Variants in SPATA6 observed in about 807,000 individuals in gnomAD.
SPATA6 encodes spermatogenesis associated 6, also known as spermatogenesis-associated protein 6.
A neutral mutation model predicts 65.3 loss-of-function variants in SPATA6; 56 were observed. That is an observed-to-expected ratio of 0.86 (90% CI 0.69 to 1.07). The LOEUF is 1.07. Ranked by LOEUF, SPATA6 falls within the 50% of genes least tolerant of loss-of-function variation. The probability of loss-of-function intolerance (pLI) is 0.00; values close to 1 mark genes in which losing one functional copy is unlikely to be tolerated. For synonymous variants in SPATA6, 199 were observed against 213.2 expected, an observed-to-expected ratio of 0.93 and a Z score of 0.58; for missense variants, 590 against 594.8, an observed-to-expected ratio of 0.99 and a Z score of 0.08.
chr1:48,270,383 A>T, the SPATA6 span, among the ~76,000 whole-genome samples: 91 of 152,258 alleles, frequency 6.0e-4, no homozygotes, highest in East Asian at 0.012. Context: ...TTCTTTCTGA[A>T]GAGATACCAG....
chr1:48,435,857 A>G (rs1259519980), intron 3 of SPATA6: 6 of 1,152,026 alleles, frequency 5.2e-6, no homozygotes, highest in African/African-American at 1.5e-5. Flanking sequence ...GTCGCTGGCC[A>G]TGGTCGCTGC....
At chr1:48,404,317 C>T (rs1159827324) in intron 5 of SPATA6, among the ~76,000 whole-genome samples, 2 of 152,082 alleles carry the variant, frequency 1.3e-5, no homozygotes, top group Non-Finnish European at 2.9e-5. Flanking sequence ...ATATATCAAA[C>T]ATCATGTTGT....
At chr1:48,468,181 G>A (rs1050863354) in intron 1 of SPATA6, among the ~76,000 whole-genome samples, 2 of 152,146 alleles carry the variant, frequency 1.3e-5, no homozygotes, top group African/African-American at 4.8e-5. Context: ...CGAATGAATG[G>A]ATAAAGAAAA....
intron 7 of SPATA6, chr1:48,399,086 A>G (rs1650885639): frequency 2.8e-6 from 1 of 358,070 alleles, no homozygotes. Context: ...TTATTATGCT[A>G]TCTATTGTAT....
chr1:48,272,406 T>C, the SPATA6 span, among the ~76,000 whole-genome samples: 2 of 152,186 alleles, frequency 1.3e-5, no homozygotes, highest in African/African-American at 4.8e-5. Flanking sequence ...AGTTTGACTA[T>C]TTGAGATTCT....
At chr1:48,269,284 C>T in the SPATA6 span, among the ~76,000 whole-genome samples, 1 of 152,122 alleles carries the variant, frequency 6.6e-6, no homozygotes, top group East Asian at 1.9e-4. Flanking sequence ...TAATGAACAC[C>T]ATGCATTGTA....
intron 3 of SPATA6, among the ~76,000 whole-genome samples, chr1:48,423,167 G>A (rs1055238908): frequency 3.3e-5 from 5 of 152,082 alleles, no homozygotes; most frequent in African/African-American, 1.2e-4. Flanking sequence ...TAAAAAGTCA[G>A]AAAAGTAGGC....
At chr1:48,400,990 C>G (rs1439686580) in intron 6 of SPATA6, 1 of 261,330 alleles carries the variant, frequency 3.8e-6, no homozygotes, top group Non-Finnish European at 6.8e-6. Context: ...ATGAATCTTT[C>G]TAAGACCTTG....
At chr1:48,390,278 G>A (rs1649914158) in intron 8 of SPATA6, among the ~76,000 whole-genome samples, 1 of 152,156 alleles carries the variant, frequency 6.6e-6, no homozygotes, top group African/African-American at 2.4e-5. Context: ...CAACATGAAT[G>A]GAACTGGGGG....
At chr1:48,311,501 C>T (rs12751702) in intron 11 of SPATA6, among the ~76,000 whole-genome samples, 26,779 of 151,790 alleles carry the variant, frequency 0.18, 2,589 homozygotes, top group Admixed American at 0.26. Flanking sequence ...TTAAACAGAT[C>T]CAAGAAGAAA....
At chr1:48,425,180 T>C (rs1158533705) in intron 3 of SPATA6, among the ~76,000 whole-genome samples, 1 of 152,200 alleles carries the variant, frequency 6.6e-6, no homozygotes, top group Non-Finnish European at 1.5e-5. Flanking sequence ...TGGTGAGAGA[T>C]AGGGAACTAG....
the SPATA6 span, among the ~76,000 whole-genome samples, chr1:48,265,659 A>C: frequency 1.3e-5 from 2 of 152,202 alleles, no homozygotes; most frequent in Admixed American, 1.3e-4. Flanking sequence ...TGCTAGATCC[A>C]TGGTTCTCAA....
intron 11 of SPATA6, among the ~76,000 whole-genome samples, chr1:48,317,143 A>C (rs190378099): frequency 1.3e-3 from 203 of 152,358 alleles, no homozygotes; most frequent in African/African-American, 4.8e-3. Context: ...ATCTAGAACT[A>C]GAAATACCAT....
At chr1:48,363,475 AAACAC>A (rs1646881719) in intron 9 of SPATA6, among the ~76,000 whole-genome samples, 1 of 152,164 alleles carries the variant, frequency 6.6e-6, no homozygotes, top group African/African-American at 2.4e-5. Flanking sequence ...TATGAACTGA[AAACAC>A]AATATTACAG....
the SPATA6 span, among the ~76,000 whole-genome samples, chr1:48,267,475 T>C: frequency 1.3e-5 from 2 of 152,096 alleles, no homozygotes; most frequent in African/African-American, 4.8e-5. Context: ...TACTGAAGGA[T>C]GGAGGTAGAT....
intron 9 of SPATA6, among the ~76,000 whole-genome samples, chr1:48,362,120 A>G (rs1877718): frequency 0.098 from 14,938 of 152,190 alleles, 884 homozygotes; most frequent in South Asian, 0.17. Flanking sequence ...CAGAATAGGT[A>G]GCTCACATCT....
chr1:48,373,578 G>A (rs773548733), intron 9 of SPATA6, among the ~76,000 whole-genome samples: 4 of 152,172 alleles, frequency 2.6e-5, no homozygotes, highest in South Asian at 2.1e-4. Context: ...TTTCAGCAAC[G>A]CCCCACTCTA....
Position 48,298,626 on chromosome 1 carries a change from TAAAAAAAGGA to T in SPATA6, c.*77_*86del. On this transcript the variant is annotated 3_prime_UTR_variant, in exon 13 of 13. Transcript: ENST00000371847. The stretch of plus-strand genomic sequence containing the variant: ...TACTTAGTTATAATCCCATTTTTTT[TAAAAAAAGGA>T]ATACAGATATTGATCACATCAAACA... The T allele has an allele frequency of 7.6e-7, 1 of 1,316,292 alleles. No individual in the cohort carries two copies. Among genetic ancestry groups the T allele is most frequent in the Admixed American group, 2.4e-5 (1 of 41,866 alleles). 81.5% of individuals were successfully genotyped at this position (1,316,292 alleles called of 1,614,324 possible).
rs1188370219 is a variant in SPATA6, at chr1:48,444,526, CACCAATCAGCACTCTGTAAAACGG to C, written c.238+7002_238+7025del. Among the ~76,000 whole-genome samples the C allele has an allele frequency of 3.3e-3, 498 of 152,084 alleles. 4 individuals are homozygous for C. The highest frequency in any genetic ancestry group is 5.3e-3 in the Non-Finnish European group (357 of 67,978). On this transcript the variant is annotated intron_variant, in intron 3 of 12. Transcript: ENST00000371847. ...GTGTCTAGCTAAAGGTTTGTAAACA[CACCAATCAGCACTCTGTAAAACGG>C]ACCAATCAGCACTCTGTAAAATGGA...
Sources: allele counts gnomAD v4.1 joint callset (sites outside exome capture counted in the v4.1 genomes callset), GRCh38; gene constraint gnomAD v4.1.1; transcripts MANE v1.5; gene names NCBI Gene and HGNC (gene_info 2026-07-23, HGNC 2026-07-21).